The following TMEM184B variants were observed in gnomAD, a reference collection of about 807,000 sequenced individuals.
The protein encoded by TMEM184B is putative MAPK-activating protein FM08.
A neutral mutation model predicts 41.8 loss-of-function variants in TMEM184B; 17 were observed. The observed-to-expected ratio is 0.41, with a 90% CI of 0.28 to 0.61. TMEM184B has a LOEUF of 0.61. TMEM184B is among the 20% of genes least tolerant of loss of function. The pLI is 0.34. For synonymous variants in TMEM184B, 240 were observed against 229.5 expected, an observed-to-expected ratio of 1.05 and a Z score of -0.41; for missense variants, 393 against 557.8, an observed-to-expected ratio of 0.70 and a Z score of 2.98.
chr22:38,242,370 C>A (rs1201664464), intron 3 of TMEM184B, among the ~76,000 whole-genome samples: 1 of 151,794 alleles, frequency 6.6e-6, no homozygotes, highest in Non-Finnish European at 1.5e-5. Context: ...CCCAGCTACT[C>A]GAGAGGCTGA....
chr22:38,246,052 T>G lies in TMEM184B; in HGVS notation c.241A>C (p.Ile81Leu), dbSNP rs774098262. 6.2e-7 allele frequency: 1 copy of G among 1,613,286 alleles called. No homozygotes were observed. Residue 81 changes from isoleucine to leucine, a missense_variant, in exon 3 of 9, where the codon ATC becomes CTC. Coordinates refer to ENST00000361906, the MANE Select transcript of TMEM184B (RefSeq NM_012264.5). ...CYSCPNEQRY[I>L]VRILFIVPIY... ...GGCACGATGAAGAGGATGCGCACGA[T>G]GTAGCGCTGCTCGTTGGGGCAGCTG...
intron 1 of TMEM184B, among the ~76,000 whole-genome samples, chr22:38,256,957 C>G (rs1242091933): frequency 1.3e-5 from 2 of 151,392 alleles, no homozygotes; most frequent in African/African-American, 4.9e-5. Flanking sequence ...AGTATCAAAG[C>G]CTGGAAGTGG....
chr22:38,236,922 C>A (rs1017598348), intron 3 of TMEM184B, among the ~76,000 whole-genome samples: 4 of 152,194 alleles, frequency 2.6e-5, no homozygotes, highest in African/African-American at 9.7e-5. Flanking sequence ...AGGCTCCAGG[C>A]TTCTCCCTCG....
chr22:38,245,829 TGTGTCAAGA>T, intron 3 of TMEM184B, 97 bp downstream of exon 3: 1 of 1,156,978 alleles, frequency 8.6e-7, no homozygotes, highest in South Asian at 1.5e-5. Context: ...CAGCAAGGGG[TGTGTCAAGA>T]CAGTCCTCAT....
rs767823803 is a variant in TMEM184B, at chr22:38,221,466, C to A, written c.*3G>T. ...CCAGCACTTCCGCCACTGCAGCCCG[C>A]ACCTAGAATTCATCATCAGAGCTGA... On this transcript the variant is annotated 3_prime_UTR_variant, in exon 9 of 9. Coordinates refer to ENST00000361906, the MANE Select transcript of TMEM184B (RefSeq NM_012264.5). The A allele has an allele frequency of 6.3e-7, 1 of 1,599,876 alleles. No individual in the cohort carries two copies. The highest frequency in any genetic ancestry group is 2.2e-5 in the East Asian group (1 of 44,710).
chr22:38,265,101 G>T (rs948713506), intron 1 of TMEM184B, among the ~76,000 whole-genome samples: 7 of 152,186 alleles, frequency 4.6e-5, no homozygotes, highest in African/African-American at 1.7e-4. Context: ...TCCTCCTGGA[G>T]ATGAGGCTAG....
chr22:38,231,341 A>G lies in TMEM184B; in HGVS notation c.359-7T>C, dbSNP rs1795953830. 1.2e-6 allele frequency: 2 copies of G among 1,612,840 alleles called. No individual in the cohort carries two copies. The highest frequency in any genetic ancestry group is 1.7e-6 in the Non-Finnish European group (2 of 1,178,870). On this transcript the variant is annotated splice_region_variant and splice_polypyrimidine_tract_variant and intron_variant, in intron 3 of 8. Transcript: ENST00000361906. ...AAATTATAGATGACCAAGGCTGCGAAGAGAGTGTCCAGGAGAAACCAGTCA... is the reference window on the plus strand; with the variant it reads ...AAATTATAGATGACCAAGGCTGCGAGGAGAGTGTCCAGGAGAAACCAGTCA...
intron 3 of TMEM184B, among the ~76,000 whole-genome samples, chr22:38,245,330 C>T (rs992049715): frequency 3.4e-4 from 51 of 148,970 alleles, no homozygotes; most frequent in African/African-American, 8.1e-4. Flanking sequence ...CTGCCTGAGA[C>T]GCCAGCATTG....
chr22:38,258,921 CA>C (rs1287533676), intron 1 of TMEM184B, among the ~76,000 whole-genome samples: 1 of 152,128 alleles, frequency 6.6e-6, no homozygotes, highest in Admixed American at 6.5e-5. Context: ...AGCAGACATC[CA>C]GTGTCGTTTA....
In TMEM184B at chr22:38,226,183, G is replaced by A. The variant is rs2091433147; in HGVS notation, c.618-590C>T. Among the ~76,000 whole-genome samples the A allele has an allele frequency of 2.0e-5, 3 of 151,658 alleles. No individual in the cohort carries two copies. The highest frequency in any genetic ancestry group is 7.3e-5 in the African/African-American group (3 of 41,240). On this transcript the variant is annotated intron_variant, in intron 6 of 8. Coordinates refer to ENST00000361906, the MANE Select transcript of TMEM184B (RefSeq NM_012264.5). This position sits in a 1 kb window ranked among gnomAD's most constrained non-coding sequence, Gnocchi z 4.6. ...CAACCTCTGCCTCCTGGGTTCAAGCGATTCTCCTGCCTCAGCCTCCCGAGT... is the reference window on the plus strand; with the variant it reads ...CAACCTCTGCCTCCTGGGTTCAAGCAATTCTCCTGCCTCAGCCTCCCGAGT...
chr22:38,231,379 G>C, intron 3 of TMEM184B, 45 bp from the exon 4 acceptor site: 2 of 1,478,656 alleles, frequency 1.4e-6, no homozygotes, highest in South Asian at 1.1e-5. Flanking sequence ...TCAGCAGAAT[G>C]GGTCCGCAGA....
chr22:38,221,555 C>T lies in TMEM184B; in HGVS notation c.1138G>A (p.Ala380Thr), dbSNP rs372646314. ...CTGTGGGAGCGGGAGAGGCCGTGGG[C>T]GCCACCACGCCAGGTGGGCCCAGGC... ...LEPGPTWRGG[A>T]HGLSRSHSLS... Residue 380 changes from alanine (A) to threonine (T), a missense_variant, in exon 9 of 9, where the codon GCC becomes ACC. Around this residue, in one of 2 missense-constraint regions of TMEM184B, gnomAD observed 271 missense variants for 434.1 expected, o/e 0.62. Transcript: ENST00000361906. The T allele has an allele frequency of 1.5e-5, 25 of 1,613,736 alleles. No individual in the cohort carries two copies. The highest frequency in any genetic ancestry group is 8.0e-5 in the African/African-American group (6 of 74,918).
intron 1 of TMEM184B, among the ~76,000 whole-genome samples, chr22:38,253,572 A>AAAAT (rs902286419): frequency 2.0e-5 from 3 of 152,132 alleles, no homozygotes; most frequent in Non-Finnish European, 1.5e-5. Flanking sequence ...CTCCATCTCA[A>AAAAT]AAATAAATAA....
rs370456365 is a variant in TMEM184B at position 38,221,465 on chromosome 22, G to C, written c.*4C>G. 1 of 1,596,574 alleles carries C rather than the reference G, an allele frequency of 6.3e-7. No homozygotes were observed. Among genetic ancestry groups the C allele is most frequent in the Non-Finnish European group, 8.5e-7 (1 of 1,170,118 alleles). On this transcript the variant is annotated 3_prime_UTR_variant, in exon 9 of 9. Coordinates refer to ENST00000361906, the MANE Select transcript of TMEM184B (RefSeq NM_012264.5). ...GCCAGCACTTCCGCCACTGCAGCCC[G>C]CACCTAGAATTCATCATCAGAGCTG...
Position 38,230,696 on chromosome 22 carries a change from G to A in TMEM184B, c.498C>T (p.Ser166=). The A allele has an allele frequency of 5.0e-6, 8 of 1,612,422 alleles. No individual in the cohort carries two copies. The highest frequency in any genetic ancestry group is 6.8e-6 in the Non-Finnish European group (8 of 1,179,406). Residue 166 remains serine (S), a synonymous_variant, in exon 5 of 9, where the codon TCC becomes TCT. Coordinates refer to ENST00000361906, the MANE Select transcript of TMEM184B (RefSeq NM_012264.5). ...GTCCLWGKTY[S]IGFLRFCKQA... ...GTTTGCAGAACCTCAGAAATCCGAT[G>A]GAATAAGTCTTTCCCCAGAGGCAGC...
intron 1 of TMEM184B, chr22:38,272,385 C>G (rs1255578923): frequency 5.1e-6 from 4 of 784,748 alleles, no homozygotes; most frequent in Non-Finnish European, 6.2e-6. Flanking sequence ...ACCTGCGGAC[C>G]TGTGTGGCGG....
intron 1 of TMEM184B, among the ~76,000 whole-genome samples, chr22:38,254,911 G>A (rs2092248637): frequency 6.6e-6 from 1 of 150,414 alleles, no homozygotes; most frequent in Non-Finnish European, 1.5e-5. Flanking sequence ...GAGTGCACTG[G>A]CACCATCTTG....
intron 1 of TMEM184B, among the ~76,000 whole-genome samples, chr22:38,258,594 C>G (rs1371016883): frequency 6.6e-6 from 1 of 152,106 alleles, no homozygotes; most frequent in Non-Finnish European, 1.5e-5. Flanking sequence ...GCCACCGTGC[C>G]CAGCCGAATT....
chr22:38,228,470 C>A (rs960979735), intron 5 of TMEM184B, among the ~76,000 whole-genome samples: 3 of 152,206 alleles, frequency 2.0e-5, no homozygotes, highest in African/African-American at 7.2e-5. Flanking sequence ...CCTGACCATA[C>A]CCTGGACCAG....
Sources: gnomAD v4.1 joint callset for allele counts (sites outside exome capture counted in the v4.1 genomes callset) on GRCh38, gnomAD v4.1.1 for gene constraint, gnomAD v4.1.1 regional missense constraint, Gnocchi (gnomAD v3.1) non-coding constraint, MANE v1.5 for transcripts, NCBI Gene and HGNC (gene_info 2026-07-23, HGNC 2026-07-21) for gene names.